FBXO47: variants seen among roughly 807,000 people sequenced by gnomAD.
FBXO47 encodes F-box protein 47, also known as F-box only protein 47.
Under a neutral mutation model 53.9 loss-of-function variants are expected in FBXO47, and 34 were observed. The observed-to-expected ratio is 0.63, with a 90% confidence interval of 0.48 to 0.84. FBXO47 has a LOEUF of 0.84. FBXO47 is among the 40% of genes least tolerant of loss of function. FBXO47 has a pLI of 0.00. For missense variants in FBXO47, 485 were observed against 541.3 expected, an observed-to-expected ratio of 0.90 and a Z score of 1.03; for synonymous variants, 165 against 181.6, an observed-to-expected ratio of 0.91 and a Z score of 0.73.
At chr17:38,939,715 C>T (rs921782046) in intron 9 of FBXO47, among the ~76,000 whole-genome samples, 3 of 125,544 alleles carry the variant, frequency 2.4e-5, no homozygotes, top group African/African-American at 3.2e-5. Context: ...GGCCGGACTG[C>T]GGACTGCAGT....
Position 38,951,688 on chromosome 17 carries a change from G to A in FBXO47, c.509C>T (p.Thr170Ile), listed in dbSNP as rs770456479. ...GLTCYGMFLQTLTAGWDELEC... is the reference protein window; with the variant it reads ...GLTCYGMFLQILTAGWDELEC... ...AAGTTCATCCCAACCTGCTGTTAAG[G>A]TCTGAGGAAAATAAAGAAAACATTG... Residue 170 changes from threonine to isoleucine, a missense_variant and splice_region_variant, in exon 6 of 11, where the codon ACC (threonine) becomes ATC (isoleucine). Thr to Ile is a moderately conservative substitution (Grantham distance 89). Coordinates refer to ENST00000378079, the MANE Select transcript of FBXO47 (RefSeq NM_001008777.3). 1.9e-6 allele frequency: 3 copies of A among 1,605,574 alleles called. No homozygotes were observed. The highest frequency in any genetic ancestry group is 1.3e-5 in the African/African-American group (1 of 74,642).
At position 38,951,605 on chromosome 17, in the gene FBXO47, G is replaced by C. The variant is rs1905287115; in HGVS notation, c.592C>G (p.Gln198Glu). Residue 198 changes from glutamine (Q) to glutamate (E), a missense_variant, in exon 6 of 11, where the codon CAA becomes GAA. Physicochemically the swap from Gln to Glu is conservative, Grantham distance 29 (BLOSUM62 2). Transcript: ENST00000378079. ...CCTGGTTTGCTGCAGACAGCCATTT[G>C]TATCTTGCGGCAGAGATTAGTCAGT... ...CELTNLCRKI[Q>E]MAVCSKPGSA... 12 of 1,613,522 alleles carry C rather than the reference G, an allele frequency of 7.4e-6. No individual in the cohort carries two copies. The highest frequency in any genetic ancestry group is 1.0e-5 in the Non-Finnish European group (12 of 1,179,740).
At chr17:38,959,624 T>TTGTGTGTGTGTG (rs34354922) in intron 3 of FBXO47, among the ~76,000 whole-genome samples, 28 of 126,250 alleles carry the variant, frequency 2.2e-4, no homozygotes, top group African/African-American at 8.2e-4. Context: ...CTTCAAAGCA[T>TTGTGTGTGTGTG]TGTGTGTGTG....
At chr17:38,945,948 A>AATATAT (rs1555560609) in intron 6 of FBXO47, among the ~76,000 whole-genome samples, 1 of 117,150 alleles carries the variant, frequency 8.5e-6, no homozygotes, top group African/African-American at 3.5e-5. Context: ...AAAAAAAAAA[A>AATATAT]ATATATATAT....
At chr17:38,939,594 G>T (rs548550120) in intron 9 of FBXO47, among the ~76,000 whole-genome samples, 1 of 142,512 alleles carries the variant, frequency 7.0e-6, no homozygotes, top group East Asian at 2.1e-4. Flanking sequence ...TTATTGAAAA[G>T]ATAAATATTT....
chr17:38,954,832 C>T (rs1438966291), intron 5 of FBXO47, 24 bp downstream of exon 5: 1 of 1,455,906 alleles, frequency 6.9e-7, no homozygotes, highest in Non-Finnish European at 9.6e-7. Context: ...TATCCCTTTT[C>T]TTCTCTGATT....
intron 1 of FBXO47, among the ~76,000 whole-genome samples, chr17:38,965,786 G>C (rs1425389070): frequency 1.3e-5 from 2 of 150,080 alleles, no homozygotes; most frequent in East Asian, 3.9e-4. Flanking sequence ...TGGAGGCTGA[G>C]GCAGGAGAAT....
chr17:38,943,738 T>C lies in FBXO47; in HGVS notation c.794-2A>G. The C allele has an allele frequency of 1.3e-6, 2 of 1,598,690 alleles. No individual in the cohort carries two copies. Among genetic ancestry groups the C allele is most frequent in the Non-Finnish European group, 1.7e-6 (2 of 1,176,070 alleles). The stretch of plus-strand genomic sequence containing the variant: ...TCATTTCCTGCCAAACCACCTGTCC[T>C]GAATTGAAACAAAAACGAGGCTATG... On this transcript the variant is annotated splice_acceptor_variant, in intron 7 of 10. Coordinates refer to ENST00000378079, the MANE Select transcript of FBXO47 (RefSeq NM_001008777.3). LOFTEE classifies it high-confidence loss of function.
intron 9 of FBXO47, among the ~76,000 whole-genome samples, chr17:38,939,712 C>T (rs1904423515): frequency 7.8e-6 from 1 of 128,010 alleles, no homozygotes; most frequent in Admixed American, 8.7e-5. Flanking sequence ...CCAGGCCGGA[C>T]TGCGGACTGC....
chr17:38,939,167 C>T (rs1190703622), intron 9 of FBXO47, among the ~76,000 whole-genome samples: 3 of 149,210 alleles, frequency 2.0e-5, no homozygotes, highest in Non-Finnish European at 4.4e-5. Context: ...GTAGCGAGCA[C>T]CTATAATCCC....
At chr17:38,949,706 A>G (rs569362094) in intron 6 of FBXO47, among the ~76,000 whole-genome samples, 1 of 152,260 alleles carries the variant, frequency 6.6e-6, no homozygotes, top group African/African-American at 2.4e-5. Context: ...GATTCTAGCC[A>G]TCCTAATGGA....
chr17:38,965,897 A>AT lies in FBXO47; in HGVS notation c.-27+1331dup, dbSNP rs61281711. ...GAATCTGCCTCAAAAAAAAAAAAAA[A>AT]TAATTACACAAATAACAACTTTACA... On this transcript the variant is annotated intron_variant, in intron 1 of 10. Coordinates refer to ENST00000378079, the MANE Select transcript of FBXO47 (RefSeq NM_001008777.3). 2.2e-3 allele frequency among the ~76,000 whole-genome samples: 332 copies of AT among 150,446 alleles called. 1 individual carries two copies. The highest frequency in any genetic ancestry group is 7.8e-3 in the African/African-American group (320 of 41,138).
intron 3 of FBXO47, among the ~76,000 whole-genome samples, chr17:38,961,137 A>C (rs1376510568): frequency 2.6e-5 from 4 of 152,160 alleles, no homozygotes; most frequent in Non-Finnish European, 5.9e-5. Flanking sequence ...AATATCTTAA[A>C]TCTAAGCATC....
At chr17:38,946,196 AT>A (rs1157876639) in intron 6 of FBXO47, among the ~76,000 whole-genome samples, 6 of 114,344 alleles carry the variant, frequency 5.2e-5, no homozygotes, top group African/African-American at 2.1e-4. Flanking sequence ...ATATATAAAA[AT>A]ATATATAAAT....
chr17:38,939,598 A>T lies in FBXO47; in HGVS notation c.1084-866T>A, dbSNP rs187589651. On this transcript the variant is annotated intron_variant, in intron 9 of 10. Coordinates refer to ENST00000378079, the MANE Select transcript of FBXO47 (RefSeq NM_001008777.3). ...TTGTTTCTTCATTATTGAAAAGATA[A>T]ATATTTAAAGATTACATGTTCCTAG... Among the ~76,000 whole-genome samples the T allele has an allele frequency of 2.3e-3, 342 of 149,508 alleles. 1 individual carries two copies. Among genetic ancestry groups the T allele is most frequent in the East Asian group, 0.01 (53 of 5,164 alleles).
At chr17:38,961,841 T>C (rs1295885402) in intron 3 of FBXO47, 36 bp downstream of exon 3, 1 of 1,576,756 alleles carries the variant, frequency 6.3e-7, no homozygotes, top group African/African-American at 1.4e-5. Flanking sequence ...TTAAGCACAG[T>C]TCTTTACTTG....
intron 7 of FBXO47, among the ~76,000 whole-genome samples, 176 bp downstream of exon 7, chr17:38,944,784 T>C (rs1421319166): frequency 2.7e-5 from 4 of 150,598 alleles, no homozygotes; most frequent in African/African-American, 7.3e-5. Flanking sequence ...GGCAGGAGAA[T>C]CGCTTGAACC....
At chr17:38,963,325 G>A (rs552188818) in intron 1 of FBXO47, among the ~76,000 whole-genome samples, 27 of 152,048 alleles carry the variant, frequency 1.8e-4, no homozygotes, top group African/African-American at 5.8e-4. Flanking sequence ...TTACAGTCAT[G>A]TGCCACCATG....
intron 5 of FBXO47, among the ~76,000 whole-genome samples, chr17:38,953,761 A>G (rs985087737): frequency 3.3e-5 from 5 of 152,180 alleles, no homozygotes. Context: ...TACTTTATAC[A>G]TTTTCTACCC....
Sources: allele counts gnomAD v4.1 joint callset (sites outside exome capture counted in the v4.1 genomes callset), GRCh38; gene constraint gnomAD v4.1.1; transcripts MANE v1.5; gene names NCBI Gene and HGNC (gene_info 2026-07-23, HGNC 2026-07-21).